Variants in TCFL5 observed in about 807,000 individuals in gnomAD.
TCFL5 encodes transcription factor like 5, also known as transcription factor-like 5 protein.
TCFL5 carries 9 observed loss-of-function variants against 44.3 expected under a neutral mutation model. That is an observed-to-expected ratio of 0.20 (90% CI 0.12 to 0.35). The LOEUF (loss-of-function observed/expected upper bound fraction) is 0.35. Ranked by LOEUF, TCFL5 falls within the 10% of genes least tolerant of loss-of-function variation. The probability of loss-of-function intolerance (pLI) is 1.00; values close to 1 mark genes in which losing one functional copy is unlikely to be tolerated. For synonymous variants in TCFL5, 319 were observed against 271.6 expected (o/e 1.17, Z -1.72); for missense variants, 603 against 613.4 (o/e 0.98, Z 0.18).
At chr20:62,845,835 A>C in intron 5 of TCFL5, 1 of 1,595,318 alleles carries the variant, frequency 6.3e-7, no homozygotes, top group Non-Finnish European at 8.6e-7. Context: ...TATAAAAGTG[A>C]TTTATGACAA....
intron 1 of TCFL5, 81 bp downstream of exon 1, chr20:62,860,943 C>T (rs2063990603): frequency 1.0e-6 from 1 of 957,874 alleles, no homozygotes; most frequent in Non-Finnish European, 1.2e-6. Context: ...CAGCGAGGGC[C>T]CCCTTTGCCT....
intron 5 of TCFL5, chr20:62,845,714 G>T: frequency 6.2e-7 from 1 of 1,606,782 alleles, no homozygotes; most frequent in Non-Finnish European, 8.5e-7. Context: ...AATATGACGA[G>T]GACTCGGAGA....
intron 4 of TCFL5, among the ~76,000 whole-genome samples, chr20:62,856,175 G>A (rs191555423): frequency 6.7e-6 from 1 of 150,116 alleles, no homozygotes; most frequent in African/African-American, 2.5e-5. Flanking sequence ...GCTTGAACCT[G>A]GGAGGCGGAG....
intron 4 of TCFL5, among the ~76,000 whole-genome samples, chr20:62,856,700 C>T (rs1221286556): frequency 2.5e-5 from 2 of 79,126 alleles, no homozygotes; most frequent in African/African-American, 5.5e-5. Context: ...AGCAAGACTC[C>T]GTCTCAAAAA....
rs551502829 is a variant in TCFL5 at position 62,858,831 on chromosome 20, G to A, written c.994+533C>T. Among the ~76,000 whole-genome samples the A allele has an allele frequency of 8.0e-3, 1,189 of 148,566 alleles. 104 individuals carry two copies. The highest frequency in any genetic ancestry group is 0.028 in the African/African-American group (1,106 of 39,562). ...AGGGGCTACGCAGGTGTTTCCCAGGGAGGAAGGGGCTACGCAGGTGTTTCC... is the reference window on the plus strand; with the variant it reads ...AGGGGCTACGCAGGTGTTTCCCAGGAAGGAAGGGGCTACGCAGGTGTTTCC... On this transcript the variant is annotated intron_variant, in intron 3 of 5. Transcript: ENST00000335351.
At chr20:62,844,509 G>C (rs1014918480) in intron 5 of TCFL5, among the ~76,000 whole-genome samples, 2 of 151,948 alleles carry the variant, frequency 1.3e-5, no homozygotes, top group African/African-American at 4.8e-5. Flanking sequence ...CTCCCGAGTA[G>C]CTGGGACTAC....
rs757973075 is a variant in TCFL5, at chr20:62,861,323, G to C, written c.348C>G (p.Ala116=). 1.7e-6 allele frequency: 2 copies of C among 1,148,402 alleles called. No individual in the cohort carries two copies. Among genetic ancestry groups the C allele is most frequent in the Non-Finnish European group, 2.2e-6 (2 of 923,448 alleles). 71.1% of individuals were successfully genotyped at this position (1,148,402 alleles called of 1,614,324 possible). ...CGATGTGGCCCAGGCAGGGCGCGTC[G>C]GCCGCCAGCGCGGACGGGCACAGCA... is the stretch of plus-strand genomic sequence containing the variant. ...YPVLCPSALA[A]DAPCLGHIDF... Residue 116 remains alanine, a synonymous_variant, in exon 1 of 6, where the codon GCC becomes GCG. Transcript: ENST00000335351. This position sits in a 1 kb window ranked among gnomAD's most constrained non-coding sequence, Gnocchi z 4.0.
At chr20:62,848,913 T>C (rs962409713) in intron 5 of TCFL5, among the ~76,000 whole-genome samples, 1 of 151,828 alleles carries the variant, frequency 6.6e-6, no homozygotes, top group African/African-American at 2.4e-5. Context: ...TCAATGGTAA[T>C]CCCAGCACTT....
chr20:62,846,121 A>T, intron 5 of TCFL5: 3 of 1,292,650 alleles, frequency 2.3e-6, no homozygotes, highest in Non-Finnish European at 3.1e-6. Context: ...TTAGAACCTT[A>T]AATTGGAAGC....
At chr20:62,853,780 C>A (rs538924268) in intron 5 of TCFL5, among the ~76,000 whole-genome samples, 2 of 152,216 alleles carry the variant, frequency 1.3e-5, no homozygotes, top group Non-Finnish European at 2.9e-5. Context: ...TGCTATCTGA[C>A]AATTGCCTCT....
Position 62,861,296 on chromosome 20 carries a change from G to T in TCFL5, c.375C>A (p.Asp125Glu), listed in dbSNP as rs868267617. The T allele has an allele frequency of 1.7e-6, 2 of 1,207,938 alleles. No homozygotes were observed. Among genetic ancestry groups the T allele is most frequent in the South Asian group, 3.5e-5 (2 of 56,996 alleles). 74.8% of individuals were successfully genotyped at this position (1,207,938 alleles called of 1,614,324 possible). ...AADAPCLGHI[D>E]FQELRMMLLS... ...GCAGCATCATGCGCAGCTCCTGGAA[G>T]TCGATGTGGCCCAGGCAGGGCGCGT... Residue 125 changes from aspartate (D) to glutamate (E), a missense_variant, in exon 1 of 6, where the codon GAC becomes GAA. By Grantham distance (45) the Asp-to-Glu change is conservative (BLOSUM62 2). Transcript: ENST00000335351. The surrounding 1 kb of genome is among the most constrained non-coding windows in gnomAD (Gnocchi z 4.0).
Position 62,842,223 on chromosome 20 carries a change from C to A in TCFL5, c.1381-126G>T. The A allele has an allele frequency of 8.2e-7, 1 of 1,218,008 alleles. No individual in the cohort carries two copies. The highest frequency in any genetic ancestry group is 2.5e-5 in the East Asian group (1 of 39,552). The allele number at this position is 1,218,008 out of a possible 1,614,324, so 75.5% of individuals were successfully genotyped here. A position where few individuals can be genotyped will look rare whatever the true frequency, so the allele number is the denominator to read the frequency against. On this transcript the variant is annotated intron_variant, in intron 5 of 5. Transcript: ENST00000335351. This position sits in a 1 kb window ranked among gnomAD's most constrained non-coding sequence, Gnocchi z 4.3. ...TTTAGAATACGCTGTTTTAAGGTGT[C>A]ATTCACAAACTTGTGTCTTACCTCA...
intron 5 of TCFL5, chr20:62,852,367 C>CGCCCGAAGGCAGGGCCCAGGA (rs2063821318): frequency 1.0e-6 from 1 of 980,846 alleles, no homozygotes; most frequent in Non-Finnish European, 1.2e-6. Context: ...GAACTCGGGT[C>CGCCCGAAGGCAGGGCCCAGGA]CCCTGAAGGC....
chr20:62,856,118 C>T (rs971877278), intron 4 of TCFL5, among the ~76,000 whole-genome samples: 190 of 151,464 alleles, frequency 1.3e-3, no homozygotes, highest in Non-Finnish European at 2.0e-3. Context: ...GGCGTAGTGG[C>T]GGGTACCTGT....
chr20:62,843,903 T>C (rs771866130), intron 5 of TCFL5, among the ~76,000 whole-genome samples: 2 of 152,266 alleles, frequency 1.3e-5, no homozygotes, highest in Non-Finnish European at 2.9e-5. Flanking sequence ...CCATCCATGC[T>C]GTAGCCTGTG....
At chr20:62,850,423 C>T (rs924877082) in intron 5 of TCFL5, among the ~76,000 whole-genome samples, 1 of 151,972 alleles carries the variant, frequency 6.6e-6, no homozygotes, top group African/African-American at 2.4e-5. Flanking sequence ...TCTCAGTAAA[C>T]AGCCCCATCC....
At chr20:62,844,772 T>C in intron 5 of TCFL5, 4 of 669,788 alleles carry the variant, frequency 6.0e-6, no homozygotes, top group Non-Finnish European at 7.4e-6. Flanking sequence ...ATTTTTGTTT[T>C]TTTAGTAGAG....
In TCFL5 at chr20:62,846,221, G is replaced by A. The variant is rs1425772311; in HGVS notation, c.1381-4124C>T. 4.2e-5 allele frequency: 30 copies of A among 708,042 alleles called. No individual in the cohort carries two copies. In the South Asian group the frequency reaches 4.6e-4, roughly 11 times the overall value. The allele number at this position is 708,042 out of a possible 1,614,324, so 43.9% of individuals were successfully genotyped here. A position where few individuals can be genotyped will look rare whatever the true frequency, so the allele number is the denominator to read the frequency against. On this transcript the variant is annotated intron_variant, in intron 5 of 5. Transcript: ENST00000335351. ...TAATCATCCTCAGACATAACTAGGCGCTCGCAAGATCTTCTGAACTATTTT... is the reference window on the plus strand; with the variant it reads ...TAATCATCCTCAGACATAACTAGGCACTCGCAAGATCTTCTGAACTATTTT...
At chr20:62,846,974 C>T (rs1049707521) in intron 5 of TCFL5, among the ~76,000 whole-genome samples, 2 of 151,910 alleles carry the variant, frequency 1.3e-5, no homozygotes, top group South Asian at 2.1e-4. Context: ...CACCTGAGGT[C>T]GGGAGTTCAC....
Sources: gnomAD v4.1 joint callset for allele counts (sites outside exome capture counted in the v4.1 genomes callset) on GRCh38, gnomAD v4.1.1 for gene constraint, Gnocchi (gnomAD v3.1) non-coding constraint, MANE v1.5 for transcripts, NCBI Gene and HGNC (gene_info 2026-07-23, HGNC 2026-07-21) for gene names.